Variants in TASOR observed in about 807,000 individuals in gnomAD.
TASOR encodes transcription activation suppressor.
Under a neutral mutation model 178.6 loss-of-function variants are expected in TASOR, and 53 were observed. The ratio of observed to expected loss-of-function variants is 0.30; its 90% CI spans 0.24 to 0.37. The LOEUF (loss-of-function observed/expected upper bound fraction) is 0.37. Ranked by LOEUF, TASOR falls within the 10% of genes least tolerant of loss-of-function variation. TASOR has a pLI of 1.00. For missense variants in TASOR, 1,815 were observed against 1,971.4 expected (o/e 0.92, Z 1.50); for synonymous variants, 713 against 696.2 (o/e 1.02, Z -0.38).
rs550821519 is a variant in TASOR, at chr3:56,621,439, A to ATGTT, written c.*1594_*1597dup. 3.0e-4 allele frequency: 259 copies of ATGTT among 865,798 alleles called. 2 individuals carry two copies. In the South Asian group the frequency reaches 5.6e-3, roughly 19 times the overall value. The allele number at this position is 865,798 out of a possible 1,614,324, so 53.6% of individuals were successfully genotyped here. ...ATGACAAAATTTTATCCTAAGCGATATGTTTTCCAAGTGAATATAATTCTA... is the reference window on the plus strand; with the variant it reads ...ATGACAAAATTTTATCCTAAGCGATATGTTTGTTTTCCAAGTGAATATAATTCTA... On this transcript the variant is annotated 3_prime_UTR_variant, in exon 24 of 24. Coordinates refer to ENST00000683822, the MANE Select transcript of TASOR (RefSeq NM_001365635.2).
chr3:56,656,601 C>A lies in TASOR; in HGVS notation c.1368+4130G>T, dbSNP rs1433951789. 7.4e-4 allele frequency among the ~76,000 whole-genome samples: 111 copies of A among 150,676 alleles called. 1 individual carries two copies. The highest frequency in any genetic ancestry group is 2.1e-4 in the South Asian group (1 of 4,762). ...GCGAGACTCTGTCCCCCGCCCCCCC[C>A]CAAAAAAAGAAAGAAAATACTATTT... is the stretch of plus-strand genomic sequence containing the variant. On this transcript the variant is annotated intron_variant, in intron 11 of 23. Transcript: ENST00000683822.
At chr3:56,682,407 C>A (rs2031875233) in intron 1 of TASOR, among the ~76,000 whole-genome samples, 1 of 152,104 alleles carries the variant, frequency 6.6e-6, no homozygotes, top group Non-Finnish European at 1.5e-5. Flanking sequence ...CACCATCTTT[C>A]CTCTCTGGGA....
At position 56,640,040 on chromosome 3, in the gene TASOR, T is replaced by C. The variant is rs771117670; in HGVS notation, c.2710A>G (p.Lys904Glu). The stretch of plus-strand genomic sequence containing the variant: ...TCAGTCTCTTCAACATTATTTGACT[T>C]AGACTGTTGTCTACGAAATCCATGT... ...IEHGFRRQQS[K>E]SNNVEETEIH... The change falls in exon 16 of 24, where the codon AAG becomes GAG. Residue 904 changes from lysine (K) to glutamate (E), a missense_variant. Physicochemically the swap from Lys to Glu is moderately conservative, Grantham distance 56 (BLOSUM62 1). Around this residue, in one of 5 missense-constraint regions of TASOR, gnomAD observed 655 missense variants for 671.1 expected, o/e 0.98. Coordinates refer to ENST00000683822, the MANE Select transcript of TASOR (RefSeq NM_001365635.2). 6.2e-7 allele frequency: 1 copy of C among 1,613,056 alleles called. No homozygotes were observed. Among genetic ancestry groups the C allele is most frequent in the African/African-American group, 1.3e-5 (1 of 74,906 alleles).
At position 56,673,667 on chromosome 3, in the gene TASOR, G is replaced by A. The variant is rs945777398; in HGVS notation, c.390C>T (p.Leu130=). The A allele has an allele frequency of 1.3e-6, 2 of 1,551,006 alleles. No individual in the cohort carries two copies. The highest frequency in any genetic ancestry group is 1.7e-6 in the Non-Finnish European group (2 of 1,146,702). ...AGGTTGGTTCAAGGTAAGAAGAATGGAGAATATTTACAACATCTTCAAATT... is the reference window on the plus strand; with the variant it reads ...AGGTTGGTTCAAGGTAAGAAGAATGAAGAATATTTACAACATCTTCAAATT... ...SREFEDVVNI[L]HSSYLEPTSV... The change falls in exon 2 of 24, where the codon CTC becomes CTT. Residue 130 remains leucine (L), a synonymous_variant. Coordinates refer to ENST00000683822, the MANE Select transcript of TASOR (RefSeq NM_001365635.2).
intron 15 of TASOR, 128 bp from the exon 16 acceptor site, chr3:56,640,258 TAA>T (rs900878322): frequency 2.6e-6 from 2 of 763,798 alleles, no homozygotes; most frequent in African/African-American, 3.6e-5. Context: ...ATCAACATGG[TAA>T]AGTTATACTC....
chr3:56,660,633 T>C, intron 11 of TASOR, 98 bp downstream of exon 11: 1 of 888,060 alleles, frequency 1.1e-6, no homozygotes, highest in South Asian at 1.6e-5. Context: ...CTCATGGTAC[T>C]TTCAGAGGCA....
At position 56,660,854 on chromosome 3, in the gene TASOR, T is replaced by G; in HGVS notation, c.1265-20A>C. ...TCAAAACTGACATAAGAAAAATACATAGTAAATATCCAAATCAAGTCTGCT... is the reference window on the plus strand; with the variant it reads ...TCAAAACTGACATAAGAAAAATACAGAGTAAATATCCAAATCAAGTCTGCT... On this transcript the variant is annotated intron_variant, in intron 10 of 23. Coordinates refer to ENST00000683822, the MANE Select transcript of TASOR (RefSeq NM_001365635.2). The G allele has an allele frequency of 6.2e-7, 1 of 1,610,196 alleles. No homozygotes were observed. Among genetic ancestry groups the G allele is most frequent in the African/African-American group, 1.3e-5 (1 of 74,944 alleles).
At chr3:56,641,087 A>G (rs993463395) in intron 15 of TASOR, among the ~76,000 whole-genome samples, 2 of 137,532 alleles carry the variant, frequency 1.5e-5, no homozygotes, top group African/African-American at 5.9e-5. Flanking sequence ...ACAAATATTA[A>G]TAGATTGTTC....
Position 56,621,972 on chromosome 3 carries a change from T to TA in TASOR, c.*1064dup, listed in dbSNP as rs1220952158. On this transcript the variant is annotated 3_prime_UTR_variant, in exon 24 of 24. Coordinates refer to ENST00000683822, the MANE Select transcript of TASOR (RefSeq NM_001365635.2). ...TTTTTATGTAACTTAGGAACTGAAA[T>TA]ACCACTCATGCATTTGTTCTAAAGT... 6.4e-6 allele frequency: 1 copy of TA among 156,688 alleles called. No individual in the cohort carries two copies. The highest frequency in any genetic ancestry group is 1.4e-5 in the Non-Finnish European group (1 of 70,908). The allele number at this position is 156,688 out of a possible 1,614,324, so 9.7% of individuals were successfully genotyped here.
At chr3:56,666,146 G>A (rs2029938985) in intron 7 of TASOR, 114 bp downstream of exon 7, 4 of 784,228 alleles carry the variant, frequency 5.1e-6, no homozygotes, top group East Asian at 3.7e-5. Context: ...CAACTTCAAG[G>A]GAAGTTAAAA....
chr3:56,653,693 T>G (rs1169581880), intron 11 of TASOR, among the ~76,000 whole-genome samples: 1 of 146,650 alleles, frequency 6.8e-6, no homozygotes, highest in African/African-American at 2.7e-5. Flanking sequence ...TAGATCTTAG[T>G]CTCAACAAAT....
intron 11 of TASOR, among the ~76,000 whole-genome samples, chr3:56,659,593 CTAATG>C (rs2077549415): frequency 6.6e-6 from 1 of 152,198 alleles, no homozygotes; most frequent in Non-Finnish European, 1.5e-5. Context: ...CCATCACCCT[CTAATG>C]TAATAGTTTC....
chr3:56,640,215 C>G (rs759732695), intron 15 of TASOR, 85 bp from the exon 16 acceptor site: 1 of 1,244,100 alleles, frequency 8.0e-7, no homozygotes, highest in Non-Finnish European at 1.1e-6. Context: ...TGAAAATTCA[C>G]GTGCTTCAAT....
chr3:56,647,680 A>T (rs551976049), intron 13 of TASOR, among the ~76,000 whole-genome samples: 1 of 152,280 alleles, frequency 6.6e-6, no homozygotes, highest in Admixed American at 6.5e-5. Flanking sequence ...CAACTGAGAA[A>T]CTCATCCTTA....
At chr3:56,656,595 C>T (rs936191584) in intron 11 of TASOR, among the ~76,000 whole-genome samples, 1 of 150,956 alleles carries the variant, frequency 6.6e-6, no homozygotes, top group Non-Finnish European at 1.5e-5. Context: ...TGTCCCCCGC[C>T]CCCCCCCAAA....
chr3:56,661,504 G>C (rs1339153266), intron 9 of TASOR, among the ~76,000 whole-genome samples: 14 of 152,174 alleles, frequency 9.2e-5, no homozygotes, highest in Admixed American at 8.5e-4. Flanking sequence ...TGGGTAGATA[G>C]CTAGCCAGGC....
Position 56,624,491 on chromosome 3 carries a change from C to G in TASOR, c.4471G>C (p.Glu1491Gln). The change falls in exon 23 of 24, where the codon GAG becomes CAG. Residue 1491 changes from glutamate (E) to glutamine (Q), a missense_variant. Physicochemically the swap from Glu to Gln is conservative, Grantham distance 29. This residue lies in a region of TASOR where 278 missense variants were observed against 257.1 expected (regional missense o/e 1.08). Transcript: ENST00000683822. ...LPQLGANENL[E>Q]SQSALLENDE... ...ACTGAAAAGTTACCTGACTGCGACTCAAGATTCTCATTAGCACCAAGCTGT... is the reference window on the plus strand; with the variant it reads ...ACTGAAAAGTTACCTGACTGCGACTGAAGATTCTCATTAGCACCAAGCTGT... The G allele has an allele frequency of 1.2e-6, 2 of 1,612,624 alleles. No individual in the cohort carries two copies. The highest frequency in any genetic ancestry group is 1.7e-6 in the Non-Finnish European group (2 of 1,179,550).
Position 56,640,090 on chromosome 3 carries a change from C to A in TASOR, c.2660G>T (p.Ser887Ile). Residue 887 changes from serine to isoleucine, a missense_variant, in exon 16 of 24, where the codon AGT becomes ATT. Ser to Ile is a moderately radical substitution (Grantham distance 142, BLOSUM62 -2). Transcript: ENST00000683822. ...TTCAATGGGAACACTGGGACACAAA[C>A]TGCAATCTTCAAAATTATTCACGCT... ...LISVNNFEDC[S>I]LCPSVPIEHG... The A allele has an allele frequency of 1.2e-6, 2 of 1,613,434 alleles. No homozygotes were observed. Among genetic ancestry groups the A allele is most frequent in the Non-Finnish European group, 1.7e-6 (2 of 1,179,698 alleles).
At chr3:56,679,896 C>T (rs1288094380) in intron 1 of TASOR, among the ~76,000 whole-genome samples, 1 of 152,136 alleles carries the variant, frequency 6.6e-6, no homozygotes, top group African/African-American at 2.4e-5. Context: ...AAATAACATA[C>T]ATCAAAAACA....
Sources: allele counts gnomAD v4.1 joint callset (sites outside exome capture counted in the v4.1 genomes callset), GRCh38; gene constraint gnomAD v4.1.1; regional missense constraint gnomAD v4.1.1; transcripts MANE v1.5; gene names NCBI Gene and HGNC (gene_info 2026-07-23, HGNC 2026-07-21).